The following NBPF12 variants were observed in gnomAD, a reference collection of about 807,000 sequenced individuals.
NBPF12 encodes the protein NBPF family member NBPF12.
A neutral mutation model predicts 146.4 loss-of-function variants in NBPF12; 115 were observed. The ratio of observed to expected loss-of-function variants is 0.79; its 90% CI spans 0.68 to 0.92. The LOEUF is 0.92. Among genes scored for constraint, NBPF12 ranks in the 40% least tolerant of loss-of-function variants. The pLI is 0.00. For synonymous variants in NBPF12, 385 were observed against 508.9 expected, an observed-to-expected ratio of 0.76 and a Z score of 3.28; for missense variants, 1,205 against 1,326.8, an observed-to-expected ratio of 0.91 and a Z score of 1.43.
chr1:146,963,216 G>A, exon 6 of NBPF12: 1 of 1,608,452 alleles, frequency 6.2e-7, no homozygotes, highest in African/African-American at 1.3e-5. Context: ...CCTCACTCCG[G>A]ATGAGCCGGA....
chr1:146,984,437 A>T lies in NBPF12; in HGVS notation c.2666+252A>T, dbSNP rs1208365180. Among the ~76,000 whole-genome samples, 478 of 149,236 alleles carry T rather than the reference A, an allele frequency of 3.2e-3. 1 individual carries two copies. Among genetic ancestry groups the T allele is most frequent in the Non-Finnish European group, 5.1e-3 (345 of 67,640 alleles). ...TGTATTCTCATGGTGACTGCAGGGA[A>T]ACTTGAGCACATTTTATGCAAAATT... On this transcript the variant is annotated intron_variant, in intron 21 of 33. Transcript: ENST00000617844.
exon 34 of NBPF12, chr1:146,994,360 G>A (rs1373360535): frequency 6.2e-7 from 1 of 1,612,158 alleles, no homozygotes; most frequent in East Asian, 2.2e-5. Context: ...GGAAGTGGAA[G>A]AGCCTGAAGT....
exon 34 of NBPF12, chr1:146,994,663 G>A (rs1428929870): frequency 1.7e-5 from 26 of 1,569,200 alleles, no homozygotes; most frequent in Middle Eastern, 4.7e-4. Context: ...GTTCCATTTG[G>A]AAGCCCAGAC....
chr1:146,984,707 C>A (rs1316001448), intron 21 of NBPF12, 106 bp from the exon 25 acceptor site: 6 of 783,866 alleles, frequency 7.7e-6, no homozygotes, highest in Non-Finnish European at 1.1e-5. Context: ...ATGGATCTGT[C>A]CTTTTTCTTT....
At chr1:146,962,487 TGTTGAG>T (rs1208622822) in intron 5 of NBPF12, among the ~76,000 whole-genome samples, 61 of 151,844 alleles carry the variant, frequency 4.0e-4, no homozygotes, top group Non-Finnish European at 7.1e-4. Flanking sequence ...AACAAGTAAT[TGTTGAG>T]GTGAAATTTA....
Position 146,964,562 on chromosome 1 carries a change from G to C in NBPF12, c.566+133G>C. The C allele has an allele frequency of 2.7e-6, 4 of 1,459,430 alleles. No individual in the cohort carries two copies. In the South Asian group the frequency reaches 3.4e-5, roughly 13 times the overall value. 90.4% of individuals were successfully genotyped at this position (1,459,430 alleles called of 1,614,324 possible). On this transcript the variant is annotated intron_variant, in intron 7 of 33. Coordinates refer to ENST00000617844, the Ensembl canonical transcript of NBPF12. ...GCCACAGTATGTGAAATTCAACCCA[G>C]CTTAGACACAGGGTGCGACAGCTGT...
chr1:146,960,458 T>C (rs1311616246), intron 4 of NBPF12, 140 bp downstream of exon 7: 11 of 612,566 alleles, frequency 1.8e-5, no homozygotes, highest in Middle Eastern at 4.3e-4. Context: ...TTTTAACATT[T>C]TGTTAAAGTT....
At chr1:146,952,860 G>A (rs1197037782) in intron 2 of NBPF12, among the ~76,000 whole-genome samples, 4 of 151,546 alleles carry the variant, frequency 2.6e-5, no homozygotes, top group Admixed American at 6.6e-5. Context: ...TGAGTATCTG[G>A]CAATAGCTGC....
chr1:146,970,241 A>C lies in NBPF12; in HGVS notation c.1307-406A>C, dbSNP rs1289539800. Among the ~76,000 whole-genome samples the C allele has an allele frequency of 7.6e-3, 1,135 of 149,586 alleles. 14 individuals are homozygous for C. Among genetic ancestry groups the C allele is most frequent in the African/African-American group, 0.021 (837 of 39,624 alleles). ...GGAGGGCCTGTGCAGTCTCATGACGAATAGAGGACTGTGGGACAAGTTTGT... is the reference window on the plus strand; with the variant it reads ...GGAGGGCCTGTGCAGTCTCATGACGCATAGAGGACTGTGGGACAAGTTTGT... On this transcript the variant is annotated intron_variant, in intron 11 of 33. Transcript: ENST00000617844.
chr1:146,964,291 G>C, intron 6 of NBPF12, 66 bp from the exon 10 acceptor site: 4 of 1,590,928 alleles, frequency 2.5e-6, no homozygotes, highest in Non-Finnish European at 1.7e-6. Flanking sequence ...CTCTGTGCAC[G>C]TTGGGCTGAC....
intron 2 of NBPF12, among the ~76,000 whole-genome samples, chr1:146,957,836 A>AT (rs1380360557): frequency 1.7e-5 from 2 of 118,912 alleles, no homozygotes; most frequent in African/African-American, 3.0e-5. Context: ...AGAAAAAAAA[A>AT]ATATAATATA....
upstream of NBPF12, among the ~76,000 whole-genome samples, chr1:146,945,353 T>G (rs1164921507): frequency 6.6e-6 from 1 of 150,946 alleles, no homozygotes; most frequent in African/African-American, 2.4e-5. Context: ...TCTCAGTGGT[T>G]CCTAGTCATC....
intron 17 of NBPF12, among the ~76,000 whole-genome samples, chr1:146,977,251 A>C (rs1335774699): frequency 7.0e-6 from 1 of 143,724 alleles, no homozygotes; most frequent in African/African-American, 2.7e-5. Flanking sequence ...GTCCAGTGCA[A>C]TGAACAGCAG....
At chr1:146,974,020 G>A (rs1328644188) in intron 14 of NBPF12, among the ~76,000 whole-genome samples, 2 of 150,890 alleles carry the variant, frequency 1.3e-5, no homozygotes, top group Admixed American at 6.6e-5. Flanking sequence ...CCTGTTCAGA[G>A]GGTACTACAA....
At chr1:146,961,763 C>T (rs1655865424) in intron 4 of NBPF12, among the ~76,000 whole-genome samples, 1 of 151,720 alleles carries the variant, frequency 6.6e-6, no homozygotes, top group African/African-American at 2.4e-5. Context: ...ACCATCAGTC[C>T]CATAGTCCTA....
intron 15 of NBPF12, among the ~76,000 whole-genome samples, chr1:146,975,278 C>T (rs1157792893): frequency 2.1e-3 from 271 of 129,472 alleles, no homozygotes; most frequent in African/African-American, 7.3e-3. Context: ...CTTTTCAATT[C>T]GCCCTATCTG....
upstream of NBPF12, among the ~76,000 whole-genome samples, chr1:146,938,579 T>C (rs878996726): frequency 1.3e-5 from 2 of 151,972 alleles, no homozygotes; most frequent in African/African-American, 4.8e-5. Flanking sequence ...CCCGAACCCG[T>C]TGTGCGGTAG....
rs1317047025 is a variant in NBPF12, at chr1:146,963,437, G to C, written c.493+128G>C. 6 of 1,586,164 alleles carry C rather than the reference G, an allele frequency of 3.8e-6. No individual in the cohort carries two copies. The African/African-American group carries it at 8.1e-5, about 21-fold the overall frequency. The stretch of plus-strand genomic sequence containing the variant: ...TACTACACATATGTGGCCATGACAT[G>C]ATCAGGACTTCCTGGGTAAGAACAG... On this transcript the variant is annotated intron_variant, in intron 6 of 33. Coordinates refer to ENST00000617844, the Ensembl canonical transcript of NBPF12.
intron 21 of NBPF12, 134 bp downstream of exon 24, chr1:146,984,319 T>C: frequency 1.3e-6 from 1 of 741,558 alleles, no homozygotes; most frequent in Non-Finnish European, 2.4e-6. Context: ...CTGCATTGTT[T>C]TTTGGTTCTC....
Sources: gnomAD v4.1 joint callset for allele counts (sites outside exome capture counted in the v4.1 genomes callset) on GRCh38, gnomAD v4.1.1 for gene constraint, MANE v1.5 for transcripts, NCBI Gene and HGNC (gene_info 2026-07-23, HGNC 2026-07-21) for gene names.